CLVS1: variants seen among roughly 807,000 people sequenced by gnomAD.
CLVS1 encodes the protein clavesin-1.
CLVS1 carries 10 observed loss-of-function variants against 33.1 expected under a neutral mutation model. The observed-to-expected ratio is 0.30, with a 90% CI of 0.19 to 0.51. The LOEUF (loss-of-function observed/expected upper bound fraction) is 0.51, where lower values mean the gene tolerates loss of function less well. CLVS1 is among the 20% of genes least tolerant of loss of function. CLVS1 has a pLI of 0.97. For missense variants in CLVS1, 343 were observed against 433.4 expected (o/e 0.79, Z 1.85); for synonymous variants, 163 against 166.1 (o/e 0.98, Z 0.14).
intron 1 of CLVS1, among the ~76,000 whole-genome samples, chr8:61,096,290 A>G (rs535320346): frequency 3.3e-5 from 5 of 152,188 alleles, no homozygotes; most frequent in African/African-American, 4.8e-5. Flanking sequence ...TACAGGAGAG[A>G]GTGGGTTTGC....
chr8:60,988,061 G>A, the CLVS1 span, among the ~76,000 whole-genome samples: 4 of 152,300 alleles, frequency 2.6e-5, no homozygotes, highest in South Asian at 8.3e-4. Flanking sequence ...ATGTGAGGGA[G>A]AGGAGAGCCA....
chr8:61,048,608 G>T, the CLVS1 span, among the ~76,000 whole-genome samples: 18 of 152,184 alleles, frequency 1.2e-4, no homozygotes, highest in Non-Finnish European at 1.9e-4. Flanking sequence ...GTCTCTCCAG[G>T]TTAGGAGGGT....
intron 3 of CLVS1, among the ~76,000 whole-genome samples, chr8:61,409,269 A>C (rs527237035): frequency 1.4e-4 from 21 of 152,320 alleles, no homozygotes; most frequent in African/African-American, 4.3e-4. Context: ...CTTTTCCACA[A>C]GGGTAACTTT....
At chr8:61,317,662 C>T (rs1811059363) in intron 2 of CLVS1, among the ~76,000 whole-genome samples, 1 of 152,168 alleles carries the variant, frequency 6.6e-6, no homozygotes, top group Non-Finnish European at 1.5e-5. Context: ...TCCACTTTCT[C>T]TTCTGGTTTA....
intron 5 of CLVS1, among the ~76,000 whole-genome samples, chr8:61,488,275 A>T (rs577250606): frequency 6.6e-6 from 1 of 152,138 alleles, no homozygotes; most frequent in African/African-American, 2.4e-5. Flanking sequence ...TGAAACTCTA[A>T]GGCTTCTATA....
chr8:61,262,170 G>A (rs2919315), intron 2 of CLVS1, among the ~76,000 whole-genome samples: 104,403 of 151,962 alleles, frequency 0.69, 38,263 homozygotes, highest in East Asian at 0.97. Context: ...CATGGCCACC[G>A]TGCCTGGCTA....
At chr8:61,408,337 CAG>C (rs895447071) in intron 3 of CLVS1, among the ~76,000 whole-genome samples, 2 of 152,114 alleles carry the variant, frequency 1.3e-5, no homozygotes, top group African/African-American at 4.8e-5. Context: ...AACTTCAAGA[CAG>C]GGGAAAAGGC....
At chr8:61,054,022 TCTC>T (rs1410902290), upstream of CLVS1, among the ~76,000 whole-genome samples, 1 of 152,184 alleles carries the variant, frequency 6.6e-6, no homozygotes, top group Non-Finnish European at 1.5e-5. Context: ...TTTGAATCAA[TCTC>T]CTCTCTCTTT....
chr8:61,151,798 G>A (rs1403621792), intron 2 of CLVS1, among the ~76,000 whole-genome samples: 1 of 152,184 alleles, frequency 6.6e-6, no homozygotes, highest in Non-Finnish European at 1.5e-5. Context: ...TCTAATTCAT[G>A]TCTTTTTCCC....
chr8:61,236,795 T>C (rs1173466043), intron 2 of CLVS1, among the ~76,000 whole-genome samples: 1 of 152,148 alleles, frequency 6.6e-6, no homozygotes, highest in Non-Finnish European at 1.5e-5. Flanking sequence ...GAGGAAATTA[T>C]GGTCAAGAGA....
intron 1 of CLVS1, among the ~76,000 whole-genome samples, chr8:61,073,413 G>A (rs1442075856): frequency 6.6e-6 from 1 of 152,146 alleles, no homozygotes; most frequent in Admixed American, 6.6e-5. Flanking sequence ...AACGCATGGA[G>A]ATATGTTGTC....
At chr8:61,466,459 G>A (rs1309438141) in intron 5 of CLVS1, among the ~76,000 whole-genome samples, 1 of 152,110 alleles carries the variant, frequency 6.6e-6, no homozygotes, top group South Asian at 2.1e-4. Context: ...GAAACCAACA[G>A]TCCTGCTACA....
intron 2 of CLVS1, among the ~76,000 whole-genome samples, chr8:61,132,963 C>T (rs900399236): frequency 6.6e-6 from 1 of 152,156 alleles, no homozygotes; most frequent in African/African-American, 2.4e-5. Flanking sequence ...CAGGGTCTGG[C>T]CTGGAGGCCT....
intron 3 of CLVS1, among the ~76,000 whole-genome samples, chr8:61,398,892 T>C (rs979200155): frequency 1.3e-5 from 2 of 152,234 alleles, no homozygotes; most frequent in East Asian, 1.9e-4. Flanking sequence ...TATTCCTTTT[T>C]ATGGCTGCAT....
At chr8:60,974,325 C>T in the CLVS1 span, among the ~76,000 whole-genome samples, 5 of 152,202 alleles carry the variant, frequency 3.3e-5, no homozygotes, top group Non-Finnish European at 5.9e-5. Context: ...TCTCATTTGC[C>T]ACCCTCCAGA....
chr8:61,440,279 GACA>G (rs1816491927), intron 3 of CLVS1, among the ~76,000 whole-genome samples: 1 of 152,194 alleles, frequency 6.6e-6, no homozygotes, highest in African/African-American at 2.4e-5. Flanking sequence ...CATTACATGA[GACA>G]ACACATATAA....
intron 2 of CLVS1, among the ~76,000 whole-genome samples, chr8:61,273,393 A>G (rs894259053): frequency 1.3e-5 from 2 of 152,116 alleles, no homozygotes; most frequent in Non-Finnish European, 2.9e-5. Context: ...GCTCTCTTCA[A>G]AGCTGTCAGA....
intron 3 of CLVS1, among the ~76,000 whole-genome samples, chr8:61,431,336 A>T (rs890112369): frequency 1.3e-5 from 2 of 152,266 alleles, no homozygotes; most frequent in Non-Finnish European, 2.9e-5. Flanking sequence ...GCATTAATTA[A>T]GTCTACAGAC....
chr8:61,183,378 T>C (rs2129301033), intron 2 of CLVS1, among the ~76,000 whole-genome samples: 2 of 152,324 alleles, frequency 1.3e-5, no homozygotes, highest in Middle Eastern at 6.8e-3. Flanking sequence ...TAACTGTAAG[T>C]ATATCCTCTG....
Sources: allele counts gnomAD v4.1 joint callset (sites outside exome capture counted in the v4.1 genomes callset), GRCh38; gene constraint gnomAD v4.1.1; transcripts MANE v1.5; gene names NCBI Gene and HGNC (gene_info 2026-07-23, HGNC 2026-07-21).